FRAS1: variants seen among roughly 807,000 people sequenced by gnomAD.
The protein encoded by FRAS1 is Fraser extracellular matrix complex subunit 1.
A neutral mutation model predicts 435.2 loss-of-function variants in FRAS1; 290 were observed. The ratio of observed to expected loss-of-function variants is 0.67; its 90% CI spans 0.61 to 0.73. The LOEUF (loss-of-function observed/expected upper bound fraction) is 0.73. Among genes scored for constraint, FRAS1 ranks in the 30% least tolerant of loss-of-function variants. FRAS1 has a pLI of 0.00. For synonymous variants in FRAS1, 1,800 were observed against 1,851.0 expected (o/e 0.97, Z 0.71); for missense variants, 4,860 against 5,001.5 (o/e 0.97, Z 0.85).
At chr4:78,155,771 C>T (rs936278564) in intron 2 of FRAS1, among the ~76,000 whole-genome samples, 14 of 152,120 alleles carry the variant, frequency 9.2e-5, no homozygotes, top group Non-Finnish European at 5.9e-5. Flanking sequence ...CCCAACTTCC[C>T]CCTCTCTTTT....
At chr4:78,203,087 T>C (rs1405026763) in intron 2 of FRAS1, among the ~76,000 whole-genome samples, 1 of 152,248 alleles carries the variant, frequency 6.6e-6, no homozygotes, top group East Asian at 1.9e-4. Context: ...CATTTCATAA[T>C]GCCAATTTTG....
intron 2 of FRAS1, among the ~76,000 whole-genome samples, chr4:78,177,563 C>A (rs1486406644): frequency 6.6e-6 from 1 of 152,114 alleles, no homozygotes; most frequent in African/African-American, 2.4e-5. Context: ...AAATAAACAG[C>A]CATCTCTGGG....
chr4:78,371,092 T>G (rs1160142897), intron 23 of FRAS1, among the ~76,000 whole-genome samples: 1 of 112,422 alleles, frequency 8.9e-6, no homozygotes, highest in African/African-American at 3.6e-5. Context: ...TGTTTTTTTG[T>G]TTTTTTTTTT....
intron 13 of FRAS1, among the ~76,000 whole-genome samples, chr4:78,285,710 G>A (rs1396279619): frequency 1.3e-5 from 2 of 152,128 alleles, no homozygotes; most frequent in Non-Finnish European, 2.9e-5. Flanking sequence ...GGGATTACAG[G>A]TGTGAGCCAC....
At chr4:78,317,251 G>C in intron 16 of FRAS1, 117 bp from the exon 17 acceptor site, 1 of 1,141,886 alleles carries the variant, frequency 8.8e-7, no homozygotes, top group Non-Finnish European at 1.3e-6. Context: ...TTTTCCCCTT[G>C]GTTTGGTGTG....
rs749237960 is a variant in FRAS1 at position 78,432,374 on chromosome 4, G to A, written c.4987G>A (p.Glu1663Lys). The A allele has an allele frequency of 6.2e-7, 1 of 1,601,274 alleles. No individual in the cohort carries two copies. Residue 1663 changes from glutamate to lysine, a missense_variant, in exon 38 of 74, where the codon GAG becomes AAG. By Grantham distance (56) the Glu-to-Lys change is moderately conservative. Transcript: ENST00000512123. ...CTTGGAAGGTGACACTTTCACCTAT[G>A]AGGATGTTGAGAAAAATGCTCTACA... Reference protein sequence around the residue: ...PMATGDTFTYEDVEKNALQYI... With the variant: ...PMATGDTFTYKDVEKNALQYI...
chr4:78,198,111 C>T (rs1035196154), intron 2 of FRAS1, among the ~76,000 whole-genome samples: 6 of 152,112 alleles, frequency 3.9e-5, no homozygotes, highest in Admixed American at 3.3e-4. Flanking sequence ...TCTGACCGAG[C>T]CCCCATCTTA....
intron 20 of FRAS1, among the ~76,000 whole-genome samples, chr4:78,354,456 A>C (rs1051113395): frequency 3.9e-5 from 6 of 152,184 alleles, no homozygotes; most frequent in Non-Finnish European, 5.9e-5. Flanking sequence ...AGTAATGATC[A>C]AAAGGGAAAG....
At chr4:78,205,684 A>G (rs182510976) in intron 2 of FRAS1, among the ~76,000 whole-genome samples, 1 of 152,344 alleles carries the variant, frequency 6.6e-6, no homozygotes, top group African/African-American at 2.4e-5. Flanking sequence ...AGAACTGGTG[A>G]TGATTAAAAC....
chr4:78,367,529 G>A (rs1731324947), intron 22 of FRAS1, among the ~76,000 whole-genome samples: 2 of 152,106 alleles, frequency 1.3e-5, no homozygotes, highest in Non-Finnish European at 2.9e-5. Flanking sequence ...TGGCATTCGG[G>A]GACCTCATTT....
At chr4:78,306,887 G>A (rs1297478603) in intron 14 of FRAS1, among the ~76,000 whole-genome samples, 1 of 152,194 alleles carries the variant, frequency 6.6e-6, no homozygotes, top group Non-Finnish European at 1.5e-5. Flanking sequence ...TCTCCATCCA[G>A]CTTTGTTCCG....
Position 78,266,835 on chromosome 4 carries a change from A to G in FRAS1, c.689A>G (p.His230Arg). The part of the protein sequence containing the change: ...SCSAAGQVYE[H>R]GEQWSENACT... ...TTCTTCTTTCCTGTCTTCATGCAGC[A>G]TGGTGAGCAGTGGAGCGAAAATGCC... Residue 230 changes from histidine to arginine, a missense_variant and splice_region_variant, in exon 8 of 74, where the codon CAT (histidine) becomes CGT (arginine). Transcript: ENST00000512123. 1.3e-6 allele frequency: 2 copies of G among 1,597,116 alleles called. No individual in the cohort carries two copies. Among genetic ancestry groups the G allele is most frequent in the Non-Finnish European group, 1.7e-6 (2 of 1,170,978 alleles).
At chr4:78,133,093 A>T (rs1719757303) in intron 2 of FRAS1, among the ~76,000 whole-genome samples, 1 of 152,214 alleles carries the variant, frequency 6.6e-6, no homozygotes, top group African/African-American at 2.4e-5. Context: ...AAAGAAATGC[A>T]TGCCCAGATT....
At chr4:78,210,276 T>C (rs1723448044) in intron 2 of FRAS1, among the ~76,000 whole-genome samples, 1 of 152,254 alleles carries the variant, frequency 6.6e-6, no homozygotes, top group Non-Finnish European at 1.5e-5. Context: ...AAAGCTGGGC[T>C]GAAGGCCCTG....
chr4:78,256,818 C>G (rs1214571496), intron 6 of FRAS1, among the ~76,000 whole-genome samples: 1 of 152,060 alleles, frequency 6.6e-6, no homozygotes, highest in Non-Finnish European at 1.5e-5. Context: ...TATATTCTTG[C>G]CATTACATAC....
In FRAS1 at chr4:78,513,578, T is replaced by C. The variant is rs1289955738; in HGVS notation, c.10174+26T>C. The stretch of plus-strand genomic sequence containing the variant: ...GTGAGATTGACAAGTTCAGGACTGG[T>C]CTTTCCATGCTAGCCCAGTGCAGTT... On this transcript the variant is annotated intron_variant, in intron 65 of 73. Transcript: ENST00000512123. The C allele has an allele frequency of 1.9e-6, 3 of 1,603,916 alleles. No homozygotes were observed. The South Asian group carries it at 3.3e-5, about 18-fold the overall frequency.
chr4:78,516,013 G>C lies in FRAS1; in HGVS notation c.10389G>C (p.Gln3463His), dbSNP rs757163658. Residue 3463 changes from glutamine (Q) to histidine (H), a missense_variant and splice_region_variant, in exon 66 of 74, where the codon CAG (glutamine) becomes CAC (histidine). Transcript: ENST00000512123. ...GGGGCTCTGTAACCGCTGACTTCCAGGTAGGTGCCCCGGGGCTTGTCTGAG... is the reference window on the plus strand; with the variant it reads ...GGGGCTCTGTAACCGCTGACTTCCACGTAGGTGCCCCGGGGCTTGTCTGAG... ...VCGGSVTADF[Q>H]VRDSAQSFLT... 6.2e-7 allele frequency: 1 copy of C among 1,611,556 alleles called. No individual in the cohort carries two copies. Among genetic ancestry groups the C allele is most frequent in the Non-Finnish European group, 8.5e-7 (1 of 1,178,592 alleles).
At chr4:78,264,356 C>T (rs1726251743) in intron 6 of FRAS1, among the ~76,000 whole-genome samples, 1 of 152,180 alleles carries the variant, frequency 6.6e-6, no homozygotes. Context: ...CTGTCACCCA[C>T]ATTTCTCTGC....
rs1734540468 is a variant in FRAS1, at chr4:78,438,908, A to T, written c.5373A>T (p.Ser1791=). ...TCTTTTTGTTTTTTTATAGATACTC[A>T]GCTGTGTTTGAAACTGATGGTCATC... ...EDINNKKIRY[S]AVFETDGHLV... The change falls in exon 40 of 74, where the codon TCA becomes TCT. Residue 1791 remains serine, a synonymous_variant. Coordinates refer to ENST00000512123, the MANE Select transcript of FRAS1 (RefSeq NM_025074.7). 1 of 1,605,586 alleles carries T rather than the reference A, an allele frequency of 6.2e-7. No individual in the cohort carries two copies. Among genetic ancestry groups the T allele is most frequent in the African/African-American group, 1.3e-5 (1 of 74,304 alleles).
Sources: allele counts gnomAD v4.1 joint callset (sites outside exome capture counted in the v4.1 genomes callset), GRCh38; gene constraint gnomAD v4.1.1; transcripts MANE v1.5; gene names NCBI Gene and HGNC (gene_info 2026-07-23, HGNC 2026-07-21).